Variants in RNFT2 observed in about 807,000 individuals in gnomAD.
The protein encoded by RNFT2 is E3 ubiquitin-protein ligase RNFT2.
In RNFT2, 36 loss-of-function variants were observed where a neutral mutation model predicts 53.0. The observed-to-expected ratio is 0.68, with a 90% CI of 0.52 to 0.90. The LOEUF (loss-of-function observed/expected upper bound fraction) is 0.90. Among genes scored for constraint, RNFT2 ranks in the 40% least tolerant of loss-of-function variants. RNFT2 has a pLI of 0.00. For synonymous variants in RNFT2, 260 were observed against 253.2 expected (o/e 1.03, Z -0.26); for missense variants, 514 against 585.6 (o/e 0.88, Z 1.26).
intron 6 of RNFT2, among the ~76,000 whole-genome samples, chr12:116,777,309 G>A (rs1207737985): frequency 2.0e-5 from 3 of 152,232 alleles, no homozygotes; most frequent in Non-Finnish European, 2.9e-5. Flanking sequence ...CAGGGCCTGC[G>A]TGACATCTAA....
intron 6 of RNFT2, among the ~76,000 whole-genome samples, chr12:116,771,502 T>C (rs1873192866): frequency 9.2e-6 from 1 of 108,728 alleles, no homozygotes; most frequent in Non-Finnish European, 2.0e-5. Context: ...AAAATACGTA[T>C]ATGAGCAATT....
chr12:116,745,021 G>A (rs1048992078), intron 3 of RNFT2, among the ~76,000 whole-genome samples: 3 of 152,060 alleles, frequency 2.0e-5, no homozygotes, highest in Non-Finnish European at 2.9e-5. Context: ...CATAGCCATG[G>A]TGTTTGCTGT....
chr12:116,839,321 A>C (rs1565875134), intron 10 of RNFT2, among the ~76,000 whole-genome samples: 1 of 150,952 alleles, frequency 6.6e-6, no homozygotes, highest in Non-Finnish European at 1.5e-5. Context: ...GGAGGGATGG[A>C]TGGACAGAAG....
intron 7 of RNFT2, among the ~76,000 whole-genome samples, chr12:116,804,565 A>G (rs372235717): frequency 1.3e-5 from 2 of 152,216 alleles, no homozygotes; most frequent in African/African-American, 4.8e-5. Context: ...TACAGTAATG[A>G]TCATCTCACT....
intron 10 of RNFT2, among the ~76,000 whole-genome samples, chr12:116,841,560 C>T (rs2137214857): frequency 6.6e-6 from 1 of 150,510 alleles, no homozygotes; most frequent in Non-Finnish European, 1.5e-5. Flanking sequence ...CCAGCCTGGC[C>T]AACATGGTGA....
intron 7 of RNFT2, among the ~76,000 whole-genome samples, chr12:116,798,190 G>A (rs1166474693): frequency 6.6e-6 from 1 of 151,352 alleles, no homozygotes; most frequent in Non-Finnish European, 1.5e-5. Context: ...AAGCCAAGGA[G>A]AGAGAGGCCT....
chr12:116,745,375 A>G (rs552436454), intron 3 of RNFT2, among the ~76,000 whole-genome samples: 30 of 152,012 alleles, frequency 2.0e-4, no homozygotes, highest in African/African-American at 6.5e-4. Flanking sequence ...GTTTTTTGCC[A>G]TATTGGCCAG....
intron 3 of RNFT2, among the ~76,000 whole-genome samples, chr12:116,742,137 C>A (rs759237267): frequency 2.6e-5 from 4 of 151,980 alleles, no homozygotes; most frequent in African/African-American, 7.3e-5. Context: ...GCAGAAAGGA[C>A]CGAGGAAAAA....
chr12:116,826,438 G>A (rs1388616883), intron 7 of RNFT2, among the ~76,000 whole-genome samples: 3 of 152,182 alleles, frequency 2.0e-5, no homozygotes, highest in African/African-American at 7.2e-5. Context: ...GTTCTCTGAA[G>A]CCCCAGAGAA....
chr12:116,743,413 C>T (rs138901309), intron 3 of RNFT2, among the ~76,000 whole-genome samples: 277 of 151,642 alleles, frequency 1.8e-3, no homozygotes, highest in African/African-American at 6.5e-3. Flanking sequence ...ACCATAGGCA[C>T]GCACCACCAC....
At chr12:116,788,023 G>A (rs913375795) in intron 7 of RNFT2, among the ~76,000 whole-genome samples, 1 of 152,172 alleles carries the variant, frequency 6.6e-6, no homozygotes, top group South Asian at 2.1e-4. Flanking sequence ...TGCCTCCCGG[G>A]TTCAAGCAAT....
chr12:116,812,335 G>A (rs1034737352), intron 7 of RNFT2, among the ~76,000 whole-genome samples: 5 of 152,230 alleles, frequency 3.3e-5, no homozygotes, highest in Middle Eastern at 3.4e-3. Flanking sequence ...GAGTGACAAC[G>A]CAGAGATGCA....
chr12:116,743,987 G>C (rs377523917), intron 3 of RNFT2, among the ~76,000 whole-genome samples: 3 of 152,100 alleles, frequency 2.0e-5, no homozygotes, highest in Non-Finnish European at 4.4e-5. Flanking sequence ...AGCACTTTGC[G>C]GGGGTAAGGC....
At chr12:116,819,881 G>A (rs539605994) in intron 7 of RNFT2, among the ~76,000 whole-genome samples, 1 of 152,280 alleles carries the variant, frequency 6.6e-6, no homozygotes, top group African/African-American at 2.4e-5. Context: ...TAGTCACACA[G>A]ACGATTTTAA....
chr12:116,824,477 G>A (rs983135102), intron 7 of RNFT2, among the ~76,000 whole-genome samples: 8 of 152,110 alleles, frequency 5.3e-5, no homozygotes, highest in South Asian at 2.1e-4. Flanking sequence ...TAAGCAGCCC[G>A]AGCCTGGGAG....
intron 3 of RNFT2, among the ~76,000 whole-genome samples, chr12:116,749,126 T>C (rs1468862152): frequency 6.6e-6 from 1 of 152,098 alleles, no homozygotes; most frequent in African/African-American, 2.4e-5. Context: ...AGAAATTTCT[T>C]ATAACAAATT....
At chr12:116,748,701 T>C (rs1160041074) in intron 3 of RNFT2, 3 of 451,858 alleles carry the variant, frequency 6.6e-6, no homozygotes, top group Non-Finnish European at 1.3e-5. Flanking sequence ...CTGGGGGCCA[T>C]TGAACTTGAA....
At chr12:116,845,198 C>T (rs1367989171) in intron 10 of RNFT2, among the ~76,000 whole-genome samples, 1 of 145,606 alleles carries the variant, frequency 6.9e-6, no homozygotes, top group Non-Finnish European at 1.5e-5. Context: ...GAGCTGTGAT[C>T]GCACCACTGC....
intron 10 of RNFT2, 122 bp from the exon 11 acceptor site, chr12:116,849,192 C>T (rs1463257519): frequency 1.0e-5 from 7 of 702,348 alleles, no homozygotes; most frequent in South Asian, 1.9e-5. Flanking sequence ...CTCCCCAACG[C>T]GAGTGCAGGC....
Sources: gnomAD v4.1 joint callset for allele counts (sites outside exome capture counted in the v4.1 genomes callset) on GRCh38, gnomAD v4.1.1 for gene constraint, MANE v1.5 for transcripts, NCBI Gene and HGNC (gene_info 2026-07-23, HGNC 2026-07-21) for gene names.